Variants in DCC observed in about 807,000 individuals in gnomAD.
DCC encodes DCC netrin 1 receptor.
A neutral mutation model predicts 172.5 loss-of-function variants in DCC; 58 were observed. That is an observed-to-expected ratio of 0.34 (90% confidence interval 0.27 to 0.42). DCC has a LOEUF of 0.42. Ranked by LOEUF, DCC falls within the 10% of genes least tolerant of loss-of-function variation. The pLI is 1.00. For missense variants in DCC, 1,740 were observed against 1,791.0 expected (o/e 0.97, Z 0.51); for synonymous variants, 709 against 644.5 (o/e 1.10, Z -1.52).
At chr18:53,180,888 C>T (rs896524466) in intron 9 of DCC, among the ~76,000 whole-genome samples, 4 of 152,278 alleles carry the variant, frequency 2.6e-5, no homozygotes, top group African/African-American at 9.6e-5. Context: ...GCTAGGATTA[C>T]AGGCAGGAGC....
At chr18:52,540,873 T>A (rs1433667776) in intron 1 of DCC, among the ~76,000 whole-genome samples, 1 of 152,148 alleles carries the variant, frequency 6.6e-6, no homozygotes, top group Non-Finnish European at 1.5e-5. Context: ...CCCAAAGTGC[T>A]GGGATTGCAG....
intron 1 of DCC, among the ~76,000 whole-genome samples, chr18:52,499,629 A>C (rs1022867146): frequency 2.0e-5 from 3 of 152,090 alleles, no homozygotes; most frequent in Non-Finnish European, 4.4e-5. Flanking sequence ...CTTTCAGTGC[A>C]TTTTATTTAC....
chr18:52,885,344 C>G (rs1365110748), intron 2 of DCC, among the ~76,000 whole-genome samples: 4 of 152,124 alleles, frequency 2.6e-5, no homozygotes, highest in Non-Finnish European at 5.9e-5. Flanking sequence ...TTCTCTTCTA[C>G]TATGGTTAAG....
intron 1 of DCC, among the ~76,000 whole-genome samples, chr18:52,734,004 C>T (rs1242149975): frequency 1.3e-5 from 2 of 151,918 alleles, no homozygotes; most frequent in Admixed American, 1.3e-4. Flanking sequence ...TTTATCACTA[C>T]CAGATAAAAA....
chr18:53,477,365 A>G (rs2045778618), intron 25 of DCC, among the ~76,000 whole-genome samples: 1 of 152,180 alleles, frequency 6.6e-6, no homozygotes, highest in Non-Finnish European at 1.5e-5. Context: ...GATGATTGAT[A>G]AGGCCATAGG....
intron 2 of DCC, among the ~76,000 whole-genome samples, chr18:52,900,627 AC>A (rs2039796249): frequency 6.6e-6 from 1 of 152,220 alleles, no homozygotes. Flanking sequence ...TATGTGTCTG[AC>A]TTTTCCATAT....
At chr18:53,040,880 T>C (rs991129656) in intron 5 of DCC, among the ~76,000 whole-genome samples, 1 of 151,740 alleles carries the variant, frequency 6.6e-6, no homozygotes, top group Non-Finnish European at 1.5e-5. Context: ...TGGTCATCCA[T>C]GTAGAGATAA....
chr18:53,035,522 T>C (rs901337569), intron 5 of DCC, among the ~76,000 whole-genome samples: 2 of 152,102 alleles, frequency 1.3e-5, no homozygotes, highest in African/African-American at 4.8e-5. Flanking sequence ...TATAAAATTT[T>C]AATATAATTG....
intron 9 of DCC, among the ~76,000 whole-genome samples, chr18:53,197,605 G>A (rs1004042948): frequency 2.6e-5 from 4 of 151,682 alleles, no homozygotes; most frequent in Non-Finnish European, 4.4e-5. Flanking sequence ...ATAATGGCTC[G>A]GAGACATCAG....
At chr18:52,902,798 C>T (rs1436630024) in intron 2 of DCC, among the ~76,000 whole-genome samples, 2 of 152,114 alleles carry the variant, frequency 1.3e-5, no homozygotes, top group Non-Finnish European at 1.5e-5. Context: ...CTTAGAATTG[C>T]TTTTGAATGT....
intron 1 of DCC, among the ~76,000 whole-genome samples, chr18:52,672,497 C>G (rs192190100): frequency 2.6e-5 from 4 of 151,890 alleles, no homozygotes; most frequent in African/African-American, 9.7e-5. Context: ...CATTTTCTCC[C>G]GTTTCTTTCC....
chr18:52,844,887 A>G (rs1475994371), intron 2 of DCC, among the ~76,000 whole-genome samples: 1 of 152,220 alleles, frequency 6.6e-6, no homozygotes, highest in East Asian at 1.9e-4. Flanking sequence ...TTCTGAATGA[A>G]TGGCTCTGGA....
intron 5 of DCC, among the ~76,000 whole-genome samples, chr18:52,938,121 C>T (rs576672733): frequency 6.6e-6 from 1 of 152,254 alleles, no homozygotes; most frequent in African/African-American, 2.4e-5. Flanking sequence ...TAGCAAGTCT[C>T]ATTCAGATCA....
intron 7 of DCC, among the ~76,000 whole-genome samples, chr18:53,128,034 T>C (rs1041919739): frequency 2.6e-5 from 4 of 152,110 alleles, no homozygotes; most frequent in Non-Finnish European, 5.9e-5. Context: ...ATTCTTTACT[T>C]GCATAAACAT....
intron 2 of DCC, among the ~76,000 whole-genome samples, chr18:52,832,297 G>A (rs1272698389): frequency 6.6e-6 from 1 of 152,124 alleles, no homozygotes; most frequent in African/African-American, 2.4e-5. Context: ...AGCAAAATGG[G>A]CGAAGCCTGG....
At chr18:53,144,569 T>C (rs960621121) in intron 7 of DCC, among the ~76,000 whole-genome samples, 2 of 152,080 alleles carry the variant, frequency 1.3e-5, no homozygotes, top group African/African-American at 4.8e-5. Flanking sequence ...CCCGCCCCCA[T>C]GATTCAATTA....
At chr18:53,169,167 G>A (rs781723177) in intron 8 of DCC, among the ~76,000 whole-genome samples, 3 of 152,198 alleles carry the variant, frequency 2.0e-5, no homozygotes, top group Non-Finnish European at 4.4e-5. Context: ...AAAGATGTCA[G>A]TGCTTAAGAG....
intron 1 of DCC, among the ~76,000 whole-genome samples, chr18:52,740,395 C>T (rs930816536): frequency 6.6e-6 from 1 of 152,092 alleles, no homozygotes; most frequent in East Asian, 1.9e-4. Context: ...TCTATTGAGA[C>T]AAGACACAGT....
chr18:53,160,800 G>A (rs924752187), intron 8 of DCC, among the ~76,000 whole-genome samples: 1 of 152,088 alleles, frequency 6.6e-6, no homozygotes, highest in African/African-American at 2.4e-5. Flanking sequence ...TTAATTTCAT[G>A]TAATATAAGA....
Sources: gnomAD v4.1 joint callset for allele counts (sites outside exome capture counted in the v4.1 genomes callset) on GRCh38, gnomAD v4.1.1 for gene constraint, MANE v1.5 for transcripts, NCBI Gene and HGNC (gene_info 2026-07-23, HGNC 2026-07-21) for gene names.